Variants in GLIS1 observed in about 807,000 individuals in gnomAD.
GLIS1 encodes GLIS family zinc finger 1, also known as zinc finger protein GLIS1.
In GLIS1, 24 loss-of-function variants were observed where a neutral mutation model predicts 63.8. The observed-to-expected ratio is 0.38, with a 90% confidence interval of 0.27 to 0.53. The LOEUF is 0.53. GLIS1 is among the 20% of genes least tolerant of loss of function. The pLI, the probability that GLIS1 is intolerant of heterozygous loss-of-function variation, is 0.85. For synonymous variants in GLIS1, 450 were observed against 482.5 expected, an observed-to-expected ratio of 0.93 and a Z score of 0.88; for missense variants, 1,036 against 1,074.1, an observed-to-expected ratio of 0.96 and a Z score of 0.50.
chr1:53,681,211 C>T (rs1457922021), intron 2 of GLIS1, among the ~76,000 whole-genome samples: 3 of 152,262 alleles, frequency 2.0e-5, no homozygotes, highest in East Asian at 3.8e-4. Flanking sequence ...TGCGTGAAGA[C>T]GCATGCCCAG....
intron 2 of GLIS1, 61 bp downstream of exon 2, chr1:53,737,745 G>T: frequency 8.1e-7 from 1 of 1,228,294 alleles, no homozygotes. Flanking sequence ...ACGCGGTGGC[G>T]ACGCCGGGCA....
intron 2 of GLIS1, among the ~76,000 whole-genome samples, chr1:53,603,310 T>A (rs904567950): frequency 6.6e-6 from 1 of 152,188 alleles, no homozygotes; most frequent in Non-Finnish European, 1.5e-5. Context: ...AGAGGGACAC[T>A]GAGCACCAGG....
chr1:53,716,374 G>A (rs1255884744), intron 2 of GLIS1, among the ~76,000 whole-genome samples: 1 of 152,086 alleles, frequency 6.6e-6, no homozygotes, highest in African/African-American at 2.4e-5. Context: ...AGGACAAGTG[G>A]GTGACCAGTT....
chr1:53,519,968 G>A (rs1428140274), intron 7 of GLIS1, among the ~76,000 whole-genome samples: 2 of 152,212 alleles, frequency 1.3e-5, no homozygotes, highest in Non-Finnish European at 2.9e-5. Flanking sequence ...TTGGGGCAGG[G>A]CCATGGGTTC....
At chr1:53,594,061 T>C (rs1343600395) in intron 4 of GLIS1, 47 bp downstream of exon 4, 1 of 1,562,748 alleles carries the variant, frequency 6.4e-7, no homozygotes, top group East Asian at 2.3e-5. Flanking sequence ...TGAGTGCTGC[T>C]CTGCCAGAGG....
Position 53,718,299 on chromosome 1 carries a change from A to C in GLIS1, c.259+19507T>G, listed in dbSNP as rs142358038. 1.1e-3 allele frequency among the ~76,000 whole-genome samples: 170 copies of C among 152,252 alleles called. 1 individual carries two copies. The highest frequency in any genetic ancestry group is 3.9e-3 in the African/African-American group (163 of 41,536). On this transcript the variant is annotated intron_variant, in intron 2 of 10. Transcript: ENST00000628545. ...CGCCTCGGGAGGTCAGCAGGGTGTG[A>C]ATGCACCCCTCTAAACCAGTCTGCA... is the stretch of plus-strand genomic sequence containing the variant.
chr1:53,681,833 G>A lies in GLIS1; in HGVS notation c.259+55973C>T, dbSNP rs528834140. On this transcript the variant is annotated intron_variant, in intron 2 of 10. Coordinates refer to ENST00000628545, the MANE Select transcript of GLIS1 (RefSeq NM_001367484.1). ...GTGGGTGGGTGGAGCAACTGGGACT[G>A]AACCCCCTCTCTCCTCCCCCATCCT... is the stretch of plus-strand genomic sequence containing the variant. Among the ~76,000 whole-genome samples, 12 of 131,902 alleles carry A rather than the reference G, an allele frequency of 9.1e-5. No homozygotes were observed. The East Asian group carries it at 2.6e-3, about 29-fold the overall frequency. The allele number at this position is 131,902 out of a possible 152,430, so 86.5% of individuals were successfully genotyped here.
chr1:53,617,710 T>A (rs552546035), intron 2 of GLIS1, among the ~76,000 whole-genome samples: 6 of 152,364 alleles, frequency 3.9e-5, no homozygotes, highest in Non-Finnish European at 7.3e-5. Context: ...AAACCTTATA[T>A]GAAAAATTTT....
chr1:53,571,583 T>A (rs1053957898), intron 4 of GLIS1, among the ~76,000 whole-genome samples: 10 of 121,490 alleles, frequency 8.2e-5, no homozygotes, highest in South Asian at 7.5e-4. Flanking sequence ...TGGATAAAAA[T>A]TTTTTTTTTT....
chr1:53,667,378 T>C (rs569305729), intron 2 of GLIS1, among the ~76,000 whole-genome samples: 5 of 152,348 alleles, frequency 3.3e-5, no homozygotes, highest in African/African-American at 1.2e-4. Context: ...GGAGACCTCA[T>C]TATTCCCATG....
At chr1:53,597,920 T>C (rs200521570) in intron 3 of GLIS1, among the ~76,000 whole-genome samples, 2 of 144,838 alleles carry the variant, frequency 1.4e-5, no homozygotes, top group Non-Finnish European at 3.1e-5. Context: ...GAAAAAAAAA[T>C]CCTCTTCCTT....
chr1:53,540,509 C>T (rs777658327), intron 4 of GLIS1, among the ~76,000 whole-genome samples: 12 of 152,122 alleles, frequency 7.9e-5, no homozygotes, highest in Non-Finnish European at 1.5e-4. Context: ...TGTCCTCCTG[C>T]GGTGGACATC....
rs138905280 is a variant in GLIS1 at position 53,717,940 on chromosome 1, A to G, written c.259+19866T>C. On this transcript the variant is annotated intron_variant, in intron 2 of 10. Transcript: ENST00000628545. ...CAGGCACATGACCTAGGCTCTGCCC[A>G]TGCGAAGCATCCACCCCAGACCGTG... Among the ~76,000 whole-genome samples, 413 of 152,266 alleles carry G rather than the reference A, an allele frequency of 2.7e-3. 1 individual carries two copies. Among genetic ancestry groups the G allele is most frequent in the Non-Finnish European group, 4.7e-3 (320 of 68,018 alleles).
chr1:53,529,807 C>T lies in GLIS1; in HGVS notation c.1466G>A (p.Arg489His), dbSNP rs758828860. The T allele has an allele frequency of 2.5e-6, 4 of 1,612,188 alleles. No homozygotes were observed. Among genetic ancestry groups the T allele is most frequent in the Admixed American group, 1.7e-5 (1 of 59,988 alleles). ...SNSSDRAKHQRTHLDTKPYAC... is the reference protein window; with the variant it reads ...SNSSDRAKHQHTHLDTKPYAC... ...TGGGCCTACCGTGTCTAGGTGGGTG[C>T]GCTGGTGCTTGGCGCGGTCGCTGGA... The change falls in exon 5 of 11, where the codon CGC (arginine) becomes CAC (histidine). Residue 489 changes from arginine to histidine, a missense_variant. By Grantham distance (29) the Arg-to-His change is conservative. This residue lies in a region of GLIS1 where 44 missense variants were observed against 79.3 expected (regional missense o/e 0.55). Coordinates refer to ENST00000628545, the MANE Select transcript of GLIS1 (RefSeq NM_001367484.1).
In GLIS1 at chr1:53,525,153, G is replaced by T. The variant is rs144340581; in HGVS notation, c.1483-266C>A. ...GTCTCACCTTTCTTCTCTGAAAAATGGGGCCATCTGAGGTCTAAGGGTTCT... is the reference window on the plus strand; with the variant it reads ...GTCTCACCTTTCTTCTCTGAAAAATTGGGCCATCTGAGGTCTAAGGGTTCT... On this transcript the variant is annotated intron_variant, in intron 5 of 10. Transcript: ENST00000628545. 8.5e-3 allele frequency among the ~76,000 whole-genome samples: 1,296 copies of T among 152,196 alleles called. 36 individuals are homozygous for T. In the South Asian group the frequency reaches 0.1, roughly 12 times the overall value.
At chr1:53,650,656 T>C (rs114840643) in intron 2 of GLIS1, among the ~76,000 whole-genome samples, 3,450 of 151,282 alleles carry the variant, frequency 0.023, 159 homozygotes, top group African/African-American at 0.078. Context: ...GAGTAGGGGA[T>C]GCACTGCTCT....
intron 4 of GLIS1, among the ~76,000 whole-genome samples, chr1:53,586,459 G>A (rs1009585200): frequency 1.3e-5 from 2 of 152,148 alleles, no homozygotes; most frequent in Non-Finnish European, 2.9e-5. Flanking sequence ...GGGGACATTC[G>A]TGACTGAACA....
intron 4 of GLIS1, among the ~76,000 whole-genome samples, chr1:53,576,889 T>C (rs1242527842): frequency 2.0e-5 from 3 of 152,012 alleles, no homozygotes; most frequent in African/African-American, 7.3e-5. Context: ...ACTGCCCTTT[T>C]CTCCTCCAGC....
At chr1:53,663,386 C>T (rs954711820) in intron 2 of GLIS1, among the ~76,000 whole-genome samples, 1 of 152,232 alleles carries the variant, frequency 6.6e-6, no homozygotes, top group Admixed American at 6.5e-5. Context: ...GGGCCACAGA[C>T]GGCAAGCGAA....
Sources: gnomAD v4.1 joint callset for allele counts (sites outside exome capture counted in the v4.1 genomes callset) on GRCh38, gnomAD v4.1.1 for gene constraint, gnomAD v4.1.1 regional missense constraint, MANE v1.5 for transcripts, NCBI Gene and HGNC (gene_info 2026-07-23, HGNC 2026-07-21) for gene names.